SSBP4: variants seen among roughly 807,000 people sequenced by gnomAD.
SSBP4 encodes the protein single-stranded DNA-binding protein 4.
In SSBP4, 33 loss-of-function variants were observed where a neutral mutation model predicts 64.6. The ratio of observed to expected loss-of-function variants is 0.51; its 90% CI spans 0.39 to 0.68. The LOEUF (loss-of-function observed/expected upper bound fraction) is 0.68. SSBP4 is among the 30% of genes least tolerant of loss of function. The pLI is 0.00. For missense variants in SSBP4, 583 were observed against 566.8 expected (o/e 1.03, Z -0.29); for synonymous variants, 243 against 224.0 (o/e 1.08, Z -0.76).
rs563026950 is a variant in SSBP4, at chr19:18,423,201, C to CAT, written c.59+3495_59+3496dup. On this transcript the variant is annotated intron_variant, in intron 1 of 17. Coordinates refer to ENST00000270061, the MANE Select transcript of SSBP4 (RefSeq NM_032627.5). The surrounding 1 kb of genome is among the most constrained non-coding windows in gnomAD (Gnocchi z 4.0). Reference sequence around the variant, plus strand: ...TGAGAAGAGGTCCATGAATCACAGCCATGGTTGGTGTTGCCTGGCAGCTCG... The same window carrying CAT: ...TGAGAAGAGGTCCATGAATCACAGCCATATGGTTGGTGTTGCCTGGCAGCTCG... Among the ~76,000 whole-genome samples the CAT allele has an allele frequency of 2.1e-3, 315 of 152,274 alleles. No individual in the cohort carries two copies. Among genetic ancestry groups the CAT allele is most frequent in the African/African-American group, 7.4e-3 (306 of 41,552 alleles).
chr19:18,430,994 G>A (rs1973318271), intron 5 of SSBP4, 64 bp downstream of exon 5: 31 of 1,563,382 alleles, frequency 2.0e-5, no homozygotes, highest in Admixed American at 7.0e-5. Flanking sequence ...GAGGGTGGGG[G>A]GGGTCCCACG....
upstream of SSBP4, among the ~76,000 whole-genome samples, chr19:18,416,164 G>A (rs186098951): frequency 5.2e-4 from 79 of 152,152 alleles, no homozygotes; most frequent in Middle Eastern, 3.4e-3. Context: ...ACAGACGCCC[G>A]CCACTACACC....
Position 18,426,618 on chromosome 19 carries a change from G to A in SSBP4, c.60-733G>A, listed in dbSNP as rs1972875361. The stretch of plus-strand genomic sequence containing the variant: ...GTGCTGGAGCCACCTGGCTGGGCGA[G>A]GGTGACTCAGGTCCAAGCCCTTGGG... On this transcript the variant is annotated intron_variant, in intron 1 of 17. Coordinates refer to ENST00000270061, the MANE Select transcript of SSBP4 (RefSeq NM_032627.5). This position sits in a 1 kb window ranked among gnomAD's most constrained non-coding sequence, Gnocchi z 4.5. Among the ~76,000 whole-genome samples, 1 of 152,194 alleles carries A rather than the reference G, an allele frequency of 6.6e-6. No homozygotes were observed. The highest frequency in any genetic ancestry group is 2.4e-5 in the African/African-American group (1 of 41,446).
chr19:18,433,864 G>GC, intron 17 of SSBP4, 47 bp downstream of exon 17: 1 of 1,180,938 alleles, frequency 8.5e-7, no homozygotes, highest in South Asian at 2.1e-5. Context: ...TCGGGCCGGA[G>GC]GGGCTGGCGG....
rs1344372289 is a variant in SSBP4, at chr19:18,423,899, T to G, written c.60-3452T>G. ...GGTGGCCGGTGGGGGGCAGAGGGCA[T>G]GGGTGATTTGCATCCAGAGCCCTTC... On this transcript the variant is annotated intron_variant, in intron 1 of 17. Transcript: ENST00000270061. This position sits in a 1 kb window ranked among gnomAD's most constrained non-coding sequence, Gnocchi z 4.0. Among the ~76,000 whole-genome samples, 2 of 152,110 alleles carry G rather than the reference T, an allele frequency of 1.3e-5. No homozygotes were observed. The highest frequency in any genetic ancestry group is 2.9e-5 in the Non-Finnish European group (2 of 68,012).
upstream of SSBP4, among the ~76,000 whole-genome samples, chr19:18,414,101 G>A (rs1299795129): frequency 6.6e-6 from 1 of 152,212 alleles, no homozygotes; most frequent in Non-Finnish European, 1.5e-5. Context: ...GCGGTGGGGA[G>A]TGCAGCCACG....
chr19:18,433,870 G>A (rs752743144), intron 17 of SSBP4, 53 bp downstream of exon 17: 2 of 1,254,806 alleles, frequency 1.6e-6, no homozygotes, highest in Non-Finnish European at 2.0e-6. Context: ...CGGAGGGGCT[G>A]GCGGGCAGGC....
Position 18,432,979 on chromosome 19 carries a change from C to T in SSBP4, c.848C>T (p.Thr283Ile), listed in dbSNP as rs1175635256. Residue 283 changes from threonine (T) to isoleucine (I), a missense_variant, in exon 14 of 18, where the codon ACC (threonine) becomes ATC (isoleucine). By Grantham distance (89) the Thr-to-Ile change is moderately conservative. This residue lies in a region of SSBP4 where 444 missense variants were observed against 386.6 expected (regional missense o/e 1.15). Transcript: ENST00000270061. ...CCCTTCTGGTCTCCCCCAGATTCCA[C>T]CAACTCCAGCGAAAACATGTACACT... ...TPIMPSPGDS[T>I]NSSENMYTIM... The T allele has an allele frequency of 6.2e-7, 1 of 1,614,064 alleles. No individual in the cohort carries two copies. The highest frequency in any genetic ancestry group is 1.3e-5 in the African/African-American group (1 of 74,948).
intron 5 of SSBP4, 33 bp downstream of exon 5, chr19:18,430,963 A>G (rs767296844): frequency 1.2e-6 from 2 of 1,601,980 alleles, no homozygotes; most frequent in Non-Finnish European, 8.5e-7. Flanking sequence ...CTGGCCCCCA[A>G]CTCTGGCTGA....
In SSBP4 at chr19:18,432,593, A is replaced by T; in HGVS notation, c.739A>T (p.Ser247Cys). The change falls in exon 11 of 18, where the codon AGT (serine) becomes TGT (cysteine). Residue 247 changes from serine (S) to cysteine (C), a missense_variant. Ser to Cys is a moderately radical substitution (Grantham distance 112, BLOSUM62 -1). Around this residue, in one of 5 missense-constraint regions of SSBP4, gnomAD observed 444 missense variants for 386.6 expected, o/e 1.15. Coordinates refer to ENST00000270061, the MANE Select transcript of SSBP4 (RefSeq NM_032627.5). ...PGVRGPWASP[S>C]GNSIPYSSSS... The stretch of plus-strand genomic sequence containing the variant: ...AGTTCGTGGCCCGTGGGCCAGCCCC[A>T]GTGGAAACTCGGTGAGCCTATGGCT... 1 of 1,308,358 alleles carries T rather than the reference A, an allele frequency of 7.6e-7. No individual in the cohort carries two copies. The highest frequency in any genetic ancestry group is 1.0e-6 in the Non-Finnish European group (1 of 1,001,616). 81.0% of individuals were successfully genotyped at this position (1,308,358 alleles called of 1,614,324 possible).
At chr19:18,425,160 G>GAGACAAGGAACAGGAGAC (rs1972756217) in intron 1 of SSBP4, among the ~76,000 whole-genome samples, 1 of 151,904 alleles carries the variant, frequency 6.6e-6, no homozygotes, top group Non-Finnish European at 1.5e-5. Flanking sequence ...GGGGACAGTC[G>GAGACAAGGAACAGGAGAC]AGGAACAGGA....
Position 18,431,853 on chromosome 19 carries a change from C to A in SSBP4, c.556C>A (p.Arg186=), listed in dbSNP as rs780555728. 3 of 1,572,902 alleles carry A rather than the reference C, an allele frequency of 1.9e-6. No individual in the cohort carries two copies. The highest frequency in any genetic ancestry group is 1.3e-5 in the African/African-American group (1 of 74,082). Residue 186 remains arginine (R), a synonymous_variant, in exon 8 of 18, where the codon CGA becomes AGA. Transcript: ENST00000270061. The stretch of plus-strand genomic sequence containing the variant: ...CCCTGGCGCCATGGAGCCCTCCCCA[C>A]GAGCCCAGGGTGAGTAGGGAAGCTC... ...LLPGAMEPSP[R]AQGHPSMGGP... is the part of the protein sequence containing the mutation.
chr19:18,431,375 C>A lies in SSBP4; in HGVS notation c.392C>A (p.Ser131Tyr). The A allele has an allele frequency of 1.5e-6, 2 of 1,320,984 alleles. No homozygotes were observed. The highest frequency in any genetic ancestry group is 1.4e-5 in the South Asian group (1 of 74,026). The allele number at this position is 1,320,984 out of a possible 1,614,324, so 81.8% of individuals were successfully genotyped here. ...TAGGGCCCCCCCGGCTCCCAGCCGT[C>A]CCCCCACAACCCCAACGCCCCCATG... ...FFQGPPGSQP[S>Y]PHNPNAPMMG... Residue 131 changes from serine (S) to tyrosine (Y), a missense_variant, in exon 6 of 18, where the codon TCC becomes TAC. By Grantham distance (144) the Ser-to-Tyr change is moderately radical (BLOSUM62 -2). This residue lies in a region of SSBP4 where 444 missense variants were observed against 386.6 expected (regional missense o/e 1.15). Transcript: ENST00000270061.
intron 17 of SSBP4, 106 bp from the exon 18 acceptor site, chr19:18,434,110 GC>G: frequency 6.6e-7 from 1 of 1,507,462 alleles, no homozygotes; most frequent in South Asian, 1.3e-5. Context: ...CCCCATGTCT[GC>G]CCAGGACCCA....
At chr19:18,417,398 G>T (rs916139041), upstream of SSBP4, among the ~76,000 whole-genome samples, 12 of 152,324 alleles carry the variant, frequency 7.9e-5, no homozygotes, top group Middle Eastern at 6.8e-3. This position sits in a 1 kb window ranked among gnomAD's most constrained non-coding sequence, Gnocchi z 5.4. Context: ...GGGGAGCCAC[G>T]GAGCTTTAGG....
At position 18,432,721 on chromosome 19, in the gene SSBP4, C is replaced by G; in HGVS notation, c.772C>G (p.Pro258Ala). ...GNSIPYSSSS[P>A]GSYTGPPGGG... ...CCAGATCCCCTACTCCTCCTCATCC[C>G]CCGGCAGCTACACCGTAAGTCTGAG... Residue 258 changes from proline to alanine, a missense_variant, in exon 12 of 18, where the codon CCC becomes GCC. Around this residue, in one of 5 missense-constraint regions of SSBP4, gnomAD observed 444 missense variants for 386.6 expected, o/e 1.15. Transcript: ENST00000270061. 1 of 1,586,764 alleles carries G rather than the reference C, an allele frequency of 6.3e-7. No homozygotes were observed. Among genetic ancestry groups the G allele is most frequent in the Non-Finnish European group, 8.6e-7 (1 of 1,161,952 alleles).
At chr19:18,418,886 T>C (rs938650617), upstream of SSBP4, 2 of 876,462 alleles carry the variant, frequency 2.3e-6, no homozygotes, top group African/African-American at 3.6e-5. The surrounding 1 kb of genome is among the most constrained non-coding windows in gnomAD (Gnocchi z 6.7). Context: ...GTTTAGTTGT[T>C]CCAGGACGGC....
intron 5 of SSBP4, 69 bp downstream of exon 5, chr19:18,430,999 C>A: frequency 6.5e-7 from 1 of 1,538,536 alleles, no homozygotes; most frequent in Non-Finnish European, 8.8e-7. Flanking sequence ...TGGGGGGGGT[C>A]CCACGTGGGC....
At chr19:18,424,741 A>G (rs557169964) in intron 1 of SSBP4, among the ~76,000 whole-genome samples, 22 of 151,984 alleles carry the variant, frequency 1.4e-4, no homozygotes, top group African/African-American at 5.1e-4. Context: ...GTGTTTTTTT[A>G]AACGCAGTGA....
Sources: gnomAD v4.1 joint callset for allele counts (sites outside exome capture counted in the v4.1 genomes callset) on GRCh38, gnomAD v4.1.1 for gene constraint, gnomAD v4.1.1 regional missense constraint, Gnocchi (gnomAD v3.1) non-coding constraint, MANE v1.5 for transcripts, NCBI Gene and HGNC (gene_info 2026-07-23, HGNC 2026-07-21) for gene names.